Variants in CDH12 observed in about 807,000 individuals in gnomAD.
CDH12 encodes cadherin-12.
A neutral mutation model predicts 74.1 loss-of-function variants in CDH12; 41 were observed. The ratio of observed to expected loss-of-function variants is 0.55; its 90% CI spans 0.43 to 0.72. The LOEUF (loss-of-function observed/expected upper bound fraction) is 0.72, where lower values mean the gene tolerates loss of function less well. Among genes scored for constraint, CDH12 ranks in the 30% least tolerant of loss-of-function variants. The probability of loss-of-function intolerance (pLI) is 0.00; values close to 1 mark genes in which losing one functional copy is unlikely to be tolerated. For missense variants in CDH12, 945 were observed against 977.2 expected, an observed-to-expected ratio of 0.97 and a Z score of 0.44; for synonymous variants, 399 against 355.0, an observed-to-expected ratio of 1.12 and a Z score of -1.39.
chr5:21,865,047 A>G (rs1751254720), intron 6 of CDH12, among the ~76,000 whole-genome samples: 1 of 152,220 alleles, frequency 6.6e-6, no homozygotes, highest in Non-Finnish European at 1.5e-5. Flanking sequence ...ATGCATGACA[A>G]AAAAAGAGAG....
At chr5:22,849,981 C>T (rs1002734792) in intron 1 of CDH12, among the ~76,000 whole-genome samples, 4 of 151,834 alleles carry the variant, frequency 2.6e-5, no homozygotes, top group Non-Finnish European at 5.9e-5. Context: ...TAAACATATG[C>T]CTTGTTTTCA....
intron 1 of CDH12, among the ~76,000 whole-genome samples, chr5:22,574,050 G>A (rs1374073411): frequency 6.7e-6 from 1 of 148,478 alleles, no homozygotes; most frequent in Non-Finnish European, 1.5e-5. Flanking sequence ...CTTTTTCATG[G>A]ATACTTTTCT....
chr5:21,910,533 G>A (rs1462410043), intron 6 of CDH12, among the ~76,000 whole-genome samples: 2 of 152,074 alleles, frequency 1.3e-5, no homozygotes, highest in East Asian at 3.9e-4. Flanking sequence ...AAATGGTTTG[G>A]CATGGGTCTC....
At chr5:22,813,102 G>A (rs1175715661) in intron 1 of CDH12, among the ~76,000 whole-genome samples, 5 of 152,000 alleles carry the variant, frequency 3.3e-5, no homozygotes, top group Non-Finnish European at 7.4e-5. Flanking sequence ...TCAGGTTGAG[G>A]AAAAAGATCT....
At chr5:22,686,460 G>A (rs1175503365) in intron 1 of CDH12, among the ~76,000 whole-genome samples, 1 of 152,138 alleles carries the variant, frequency 6.6e-6, no homozygotes, top group African/African-American at 2.4e-5. Flanking sequence ...CTAACTAAAG[G>A]TCATGAAGAT....
intron 1 of CDH12, among the ~76,000 whole-genome samples, chr5:22,752,390 T>C (rs1307860134): frequency 6.6e-6 from 1 of 151,794 alleles, no homozygotes; most frequent in African/African-American, 2.4e-5. Context: ...ATGAGTTTCA[T>C]GAAGCATGAT....
chr5:22,424,700 T>C (rs2126504799), intron 2 of CDH12, among the ~76,000 whole-genome samples: 1 of 152,200 alleles, frequency 6.6e-6, no homozygotes, highest in African/African-American at 2.4e-5. Flanking sequence ...GCTCATGAGA[T>C]TCCTTCGTTT....
chr5:22,144,806 C>G (rs185959037), intron 4 of CDH12, among the ~76,000 whole-genome samples: 1 of 151,748 alleles, frequency 6.6e-6, no homozygotes, highest in Non-Finnish European at 1.5e-5. Flanking sequence ...AAATTCAAAC[C>G]GTATGTATTG....
At chr5:22,068,272 T>C (rs1741701581) in intron 5 of CDH12, among the ~76,000 whole-genome samples, 1 of 152,010 alleles carries the variant, frequency 6.6e-6, no homozygotes, top group African/African-American at 2.4e-5. Flanking sequence ...CCACACTCTC[T>C]TCTCTTTCCA....
chr5:22,388,675 T>A (rs182208278), intron 3 of CDH12, among the ~76,000 whole-genome samples: 160 of 152,306 alleles, frequency 1.1e-3, no homozygotes, highest in African/African-American at 3.7e-3. Context: ...ATACACTTAA[T>A]TCTAAAAATT....
intron 1 of CDH12, among the ~76,000 whole-genome samples, chr5:22,573,930 T>C (rs2126770055): frequency 6.6e-6 from 1 of 152,190 alleles, no homozygotes; most frequent in East Asian, 1.9e-4. Context: ...TCCAATGAAG[T>C]GTCACGCTAA....
At chr5:22,519,859 T>C (rs1050035423) in intron 1 of CDH12, among the ~76,000 whole-genome samples, 18 of 152,174 alleles carry the variant, frequency 1.2e-4, no homozygotes, top group Non-Finnish European at 8.8e-5. Flanking sequence ...TGTGGTGAGG[T>C]TTAAATACAA....
intron 1 of CDH12, among the ~76,000 whole-genome samples, chr5:22,680,293 A>G (rs1741426548): frequency 6.6e-6 from 1 of 152,100 alleles, no homozygotes; most frequent in African/African-American, 2.4e-5. Context: ...GTTGTGAAAA[A>G]GTAATGAATG....
intron 3 of CDH12, among the ~76,000 whole-genome samples, chr5:22,258,725 A>G (rs914601528): frequency 6.6e-5 from 10 of 152,174 alleles, no homozygotes; most frequent in African/African-American, 2.2e-4. Flanking sequence ...ATATTTTTAG[A>G]TACACAAATA....
chr5:22,847,843 C>T (rs1405383887), intron 1 of CDH12, among the ~76,000 whole-genome samples: 2 of 151,928 alleles, frequency 1.3e-5, no homozygotes, highest in South Asian at 2.1e-4. Flanking sequence ...TTCCCTTTTA[C>T]TGTATGATCA....
intron 1 of CDH12, among the ~76,000 whole-genome samples, chr5:22,640,140 T>C (rs1056233011): frequency 6.6e-6 from 1 of 152,204 alleles, no homozygotes; most frequent in Non-Finnish European, 1.5e-5. Flanking sequence ...TTCATTTCTC[T>C]GATATGGATC....
chr5:21,764,401 A>T (rs977278708), intron 12 of CDH12, among the ~76,000 whole-genome samples: 30 of 151,026 alleles, frequency 2.0e-4, no homozygotes, highest in African/African-American at 7.3e-4. Context: ...ACAAATTAAA[A>T]AAAAGAAAGA....
At chr5:21,855,554 G>A (rs1268621203) in intron 6 of CDH12, among the ~76,000 whole-genome samples, 5 of 127,946 alleles carry the variant, frequency 3.9e-5, no homozygotes, top group Non-Finnish European at 8.9e-5. Flanking sequence ...TCCTGTTCAA[G>A]TTACTATTCT....
At chr5:22,096,248 C>T (rs564702095) in intron 4 of CDH12, among the ~76,000 whole-genome samples, 10 of 152,212 alleles carry the variant, frequency 6.6e-5, no homozygotes, top group South Asian at 2.1e-4. Flanking sequence ...AGCCAAAAAA[C>T]GGCACTTTCG....
Sources: allele counts gnomAD v4.1 joint callset (sites outside exome capture counted in the v4.1 genomes callset), GRCh38; gene constraint gnomAD v4.1.1; transcripts MANE v1.5; gene names NCBI Gene and HGNC (gene_info 2026-07-23, HGNC 2026-07-21).